FAT4: variants seen among roughly 807,000 people sequenced by gnomAD.
FAT4 encodes protocadherin Fat 4.
FAT4 carries 84 observed loss-of-function variants against 303.9 expected under a neutral mutation model. That is an observed-to-expected ratio of 0.28 (90% CI 0.23 to 0.33). The LOEUF is 0.33. Ranked by LOEUF, FAT4 falls within the 10% of genes least tolerant of loss-of-function variation. The pLI is 1.00. For synonymous variants in FAT4, 2,307 were observed against 2,298.8 expected, an observed-to-expected ratio of 1.00 and a Z score of -0.10; for missense variants, 6,005 against 6,146.8, an observed-to-expected ratio of 0.98 and a Z score of 0.77.
chr4:125,462,984 A>G (rs749507954), intron 10 of FAT4, among the ~76,000 whole-genome samples: 2 of 152,040 alleles, frequency 1.3e-5, no homozygotes, highest in Non-Finnish European at 2.9e-5. Flanking sequence ...ATCGCTTCAG[A>G]CAAAAGACAA....
intron 2 of FAT4, among the ~76,000 whole-genome samples, chr4:125,328,964 T>C (rs1234007272): frequency 6.1e-5 from 4 of 65,818 alleles, no homozygotes; most frequent in African/African-American, 4.6e-4. Context: ...TACTTGTTCA[T>C]GTTAATGATG....
chr4:125,479,927 C>A, intron 15 of FAT4, 62 bp downstream of exon 15: 2 of 1,310,210 alleles, frequency 1.5e-6, no homozygotes, highest in Non-Finnish European at 2.1e-6. Context: ...AAAATATATG[C>A]ACCCAAGTAT....
At chr4:125,348,570 C>A (rs768021999) in intron 2 of FAT4, among the ~76,000 whole-genome samples, 9 of 151,466 alleles carry the variant, frequency 5.9e-5, no homozygotes, top group Non-Finnish European at 1.0e-4. Flanking sequence ...TAGGTATGAC[C>A]ACTCAAGGTA....
chr4:125,451,138 G>A lies in FAT4; in HGVS notation c.10128G>A (p.Leu3376=), dbSNP rs199505871. 6 of 1,614,118 alleles carry A rather than the reference G, an allele frequency of 3.7e-6. No individual in the cohort carries two copies. The highest frequency in any genetic ancestry group is 2.2e-5 in the East Asian group (1 of 44,866). ...EKEERVSLKV[L]AKNFGSIRGA... ...AAGAAAGGGTGTCTTTGAAGGTATTGGCCAAGAACTTTGGCAGCATTAGAG... is the reference window on the plus strand; with the variant it reads ...AAGAAAGGGTGTCTTTGAAGGTATTAGCCAAGAACTTTGGCAGCATTAGAG... Residue 3376 remains leucine, a synonymous_variant, in exon 10 of 18, where the codon TTG becomes TTA. Transcript: ENST00000394329.
intron 2 of FAT4, among the ~76,000 whole-genome samples, chr4:125,365,881 C>G (rs1202793301): frequency 6.6e-6 from 1 of 152,100 alleles, no homozygotes; most frequent in African/African-American, 2.4e-5. Context: ...GGCCACTGAC[C>G]AGTACGGGTC....
At position 125,415,727 on chromosome 4, in the gene FAT4, T is replaced by C; in HGVS notation, c.6764T>C (p.Phe2255Ser). The change falls in exon 6 of 18, where the codon TTT becomes TCT. Residue 2255 changes from phenylalanine to serine, a missense_variant. Physicochemically the swap from Phe to Ser is radical, Grantham distance 155 (BLOSUM62 -2). Transcript: ENST00000394329. ...ATTGTTCTACTGGATATTAATGACT[T>C]TGTTCCTGTATTTGAGCTATCTCCA... is the stretch of plus-strand genomic sequence containing the variant. ...VSIVLLDIND[F>S]VPVFELSPYS... 1.2e-6 allele frequency: 2 copies of C among 1,613,966 alleles called. No individual in the cohort carries two copies. The highest frequency in any genetic ancestry group is 1.7e-6 in the Non-Finnish European group (2 of 1,179,912).
intron 2 of FAT4, among the ~76,000 whole-genome samples, chr4:125,335,061 G>C (rs1731518052): frequency 6.6e-6 from 1 of 152,110 alleles, no homozygotes; most frequent in East Asian, 1.9e-4. Flanking sequence ...ACCCTGTCTT[G>C]CTGGAAAATG....
intron 5 of FAT4, 71 bp downstream of exon 5, chr4:125,408,865 A>G (rs1734732446): frequency 2.3e-6 from 2 of 857,660 alleles, no homozygotes; most frequent in Non-Finnish European, 3.4e-6. Context: ...ACATTTATTT[A>G]TTGTGTTGAG....
At chr4:125,473,533 T>A (rs28454704) in intron 12 of FAT4, among the ~76,000 whole-genome samples, 34,731 of 151,862 alleles carry the variant, frequency 0.23, 4,125 homozygotes, top group Admixed American at 0.25. Context: ...TAGAAAAACA[T>A]TTAGAGATTG....
chr4:125,338,634 C>T (rs997687789), intron 2 of FAT4, among the ~76,000 whole-genome samples: 1 of 152,134 alleles, frequency 6.6e-6, no homozygotes, highest in African/African-American at 2.4e-5. Flanking sequence ...AAACTATTAT[C>T]AGAAAATCTA....
chr4:125,448,833 G>A lies in FAT4; in HGVS notation c.7823G>A (p.Gly2608Glu). 2.5e-6 allele frequency: 4 copies of A among 1,608,496 alleles called. No individual in the cohort carries two copies. The highest frequency in any genetic ancestry group is 3.4e-6 in the Non-Finnish European group (4 of 1,179,672). Residue 2608 changes from glycine to glutamate, a missense_variant, in exon 10 of 18, where the codon GGG becomes GAG. Physicochemically the swap from Gly to Glu is moderately conservative, Grantham distance 98. Transcript: ENST00000394329. ...GEPMSYYIAS[G>E]NLGNTFQIDQ... ...CCTATGTCATATTATATCGCAAGTG[G>A]GAATCTTGGCAATACTTTCCAGATT...
intron 2 of FAT4, among the ~76,000 whole-genome samples, chr4:125,378,800 T>C (rs1349335633): frequency 6.6e-6 from 1 of 152,202 alleles, no homozygotes; most frequent in Non-Finnish European, 1.5e-5. Flanking sequence ...CAATTGCTAC[T>C]ATGAAAATTA....
chr4:125,476,252 G>T lies in FAT4; in HGVS notation c.12295G>T (p.Asp4099Tyr). The T allele has an allele frequency of 1.3e-6, 2 of 1,569,402 alleles. No individual in the cohort carries two copies. Among genetic ancestry groups the T allele is most frequent in the South Asian group, 2.3e-5 (2 of 86,202 alleles). ...CTVSNVAVSD[D>Y]WTLDVQPNRV... is the part of the protein sequence containing the mutation. ...TGTCAGTAATGTGGCAGTTTCAGAT[G>T]ACTGGTAAGGAATAGGATTAGTTTA... Residue 4099 changes from aspartate to tyrosine, a missense_variant, in exon 13 of 18, where the codon GAC (aspartate) becomes TAC (tyrosine). Physicochemically the swap from Asp to Tyr is radical, Grantham distance 160. Coordinates refer to ENST00000394329, the MANE Select transcript of FAT4 (RefSeq NM_001291303.3).
rs1004662970 is a variant in FAT4, at chr4:125,464,449, A to G, written c.11905+782A>G. On this transcript the variant is annotated intron_variant, in intron 11 of 17. Coordinates refer to ENST00000394329, the MANE Select transcript of FAT4 (RefSeq NM_001291303.3). ...TTCTTTTTAAAGGCTGCTTTACACC[A>G]CAGCATAGAATCCATCTCCAAATGA... is the stretch of plus-strand genomic sequence containing the variant. Among the ~76,000 whole-genome samples the G allele has an allele frequency of 3.3e-5, 5 of 149,858 alleles. 1 individual carries two copies. In the South Asian group the frequency reaches 8.4e-4, roughly 25 times the overall value.
At chr4:125,419,269 C>A (rs1038440512) in intron 7 of FAT4, among the ~76,000 whole-genome samples, 3 of 152,172 alleles carry the variant, frequency 2.0e-5, no homozygotes, top group Non-Finnish European at 2.9e-5. Flanking sequence ...CTTCTATTCA[C>A]CTCCCTACCT....
intron 2 of FAT4, among the ~76,000 whole-genome samples, chr4:125,363,195 C>T (rs1189381222): frequency 6.6e-6 from 1 of 151,866 alleles, no homozygotes; most frequent in Non-Finnish European, 1.5e-5. Flanking sequence ...ATTTCAAAGA[C>T]ATGGAATTTG....
chr4:125,445,961 A>T (rs1039106018), intron 8 of FAT4: 1 of 172,962 alleles, frequency 5.8e-6, no homozygotes, highest in African/African-American at 2.4e-5. Context: ...TAACCACAAT[A>T]TTAGAGCAAG....
chr4:125,472,144 T>A lies in FAT4; in HGVS notation c.12213+3325T>A, dbSNP rs532955730. On this transcript the variant is annotated intron_variant, in intron 12 of 17. Transcript: ENST00000394329. ...CCCTAGATAAAGGAATTGTGTAAAA[T>A]GTTAAATTGTCTGTTAAAAAGAAAG... 1.1e-3 allele frequency among the ~76,000 whole-genome samples: 171 copies of A among 148,932 alleles called. 2 individuals carry two copies. Among genetic ancestry groups the A allele is most frequent in the Non-Finnish European group, 1.6e-3 (105 of 67,468 alleles).
At chr4:125,336,490 G>C (rs1230144549) in intron 2 of FAT4, among the ~76,000 whole-genome samples, 1 of 151,966 alleles carries the variant, frequency 6.6e-6, no homozygotes, top group Admixed American at 6.6e-5. Flanking sequence ...TTAAAAGATA[G>C]GGTAAGTGAA....
Sources: gnomAD v4.1 joint callset for allele counts (sites outside exome capture counted in the v4.1 genomes callset) on GRCh38, gnomAD v4.1.1 for gene constraint, MANE v1.5 for transcripts, NCBI Gene and HGNC (gene_info 2026-07-23, HGNC 2026-07-21) for gene names.